Variants in GNA14 observed in about 807,000 individuals in gnomAD.
GNA14 encodes G protein subunit alpha 14, also known as guanine nucleotide-binding protein subunit alpha-14.
Under a neutral mutation model 42.0 loss-of-function variants are expected in GNA14, and 50 were observed. That is an observed-to-expected ratio of 1.19 (90% CI 0.95 to 1.51). GNA14 has a LOEUF of 1.51. Among genes scored for constraint, GNA14 ranks in the 40% most tolerant of loss-of-function variants. The pLI is 0.00. For synonymous variants in GNA14, 173 were observed against 163.1 expected, an observed-to-expected ratio of 1.06 and a Z score of -0.46; for missense variants, 473 against 446.2, an observed-to-expected ratio of 1.06 and a Z score of -0.54.
At chr9:77,545,492 A>G (rs1308711197) in intron 1 of GNA14, among the ~76,000 whole-genome samples, 2 of 152,230 alleles carry the variant, frequency 1.3e-5, no homozygotes, top group African/African-American at 4.8e-5. Context: ...GAAAGAAAAT[A>G]TGCAAATTTG....
At chr9:77,605,119 A>T (rs1823627946) in intron 1 of GNA14, among the ~76,000 whole-genome samples, 1 of 152,210 alleles carries the variant, frequency 6.6e-6, no homozygotes, top group Non-Finnish European at 1.5e-5. Context: ...CCTCAACATG[A>T]ACTTTTTCGT....
At chr9:77,547,017 G>T (rs752181162) in intron 1 of GNA14, among the ~76,000 whole-genome samples, 1 of 152,108 alleles carries the variant, frequency 6.6e-6, no homozygotes, top group Non-Finnish European at 1.5e-5. Context: ...TGTCTTATTG[G>T]GTGTGGGGGA....
At chr9:77,611,173 T>C (rs986773432) in intron 1 of GNA14, among the ~76,000 whole-genome samples, 6 of 152,078 alleles carry the variant, frequency 3.9e-5, no homozygotes, top group Admixed American at 3.9e-4. Flanking sequence ...CTAAGAAGGG[T>C]TGGAGATTTT....
intron 1 of GNA14, among the ~76,000 whole-genome samples, chr9:77,633,793 C>A (rs1038564746): frequency 6.6e-6 from 1 of 152,172 alleles, no homozygotes; most frequent in South Asian, 2.1e-4. Context: ...TGGCCCCACT[C>A]TGGCCAGTCA....
intron 1 of GNA14, among the ~76,000 whole-genome samples, chr9:77,540,213 A>C (rs577229503): frequency 6.6e-6 from 1 of 152,214 alleles, no homozygotes; most frequent in Non-Finnish European, 1.5e-5. Context: ...TTTCCATCTT[A>C]ATTTCTTCAT....
intron 1 of GNA14, among the ~76,000 whole-genome samples, chr9:77,612,604 A>T (rs1823751552): frequency 6.6e-6 from 1 of 152,196 alleles, no homozygotes; most frequent in African/African-American, 2.4e-5. Flanking sequence ...AATCATCAAA[A>T]GAATGCAAAT....
intron 1 of GNA14, among the ~76,000 whole-genome samples, chr9:77,602,769 A>T (rs1932074): frequency 1.3e-5 from 2 of 151,912 alleles, no homozygotes; most frequent in Non-Finnish European, 2.9e-5. Flanking sequence ...AAACTTTATC[A>T]GGGCCGGCCT....
At chr9:77,604,931 T>G (rs1213101639) in intron 1 of GNA14, among the ~76,000 whole-genome samples, 1 of 152,212 alleles carries the variant, frequency 6.6e-6, no homozygotes, top group Non-Finnish European at 1.5e-5. Context: ...CCACTTTTTC[T>G]TACCACCCTC....
intron 2 of GNA14, among the ~76,000 whole-genome samples, chr9:77,453,836 A>G (rs1421410365): frequency 6.6e-6 from 1 of 152,220 alleles, no homozygotes; most frequent in African/African-American, 2.4e-5. Flanking sequence ...ATGAGTTTCC[A>G]AAGAGCAGCT....
chr9:77,615,624 T>C (rs958234319), intron 1 of GNA14, among the ~76,000 whole-genome samples: 2 of 151,712 alleles, frequency 1.3e-5, no homozygotes, highest in African/African-American at 4.8e-5. Flanking sequence ...CTTTTTGTCT[T>C]TTCATCAACA....
intron 1 of GNA14, among the ~76,000 whole-genome samples, chr9:77,579,696 C>G (rs1027318812): frequency 6.6e-6 from 1 of 152,088 alleles, no homozygotes; most frequent in African/African-American, 2.4e-5. Context: ...CACCAAGATG[C>G]AAAAATGGGA....
rs150763192 is a variant in GNA14, at chr9:77,477,979, T to G, written c.310-43457A>C. ...CAGTGTAATAGCGATCTGATGGGAGTTTAGAAAGCAAGAACACAGAAAACA... is the reference window on the plus strand; with the variant it reads ...CAGTGTAATAGCGATCTGATGGGAGGTTAGAAAGCAAGAACACAGAAAACA... On this transcript the variant is annotated intron_variant, in intron 2 of 6. Coordinates refer to ENST00000341700, the MANE Select transcript of GNA14 (RefSeq NM_004297.4). Among the ~76,000 whole-genome samples, 3 of 149,710 alleles carry G rather than the reference T, an allele frequency of 2.0e-5. 1 individual carries two copies. The South Asian group carries it at 6.3e-4, about 32-fold the overall frequency.
At chr9:77,558,893 T>C (rs1427222418) in intron 1 of GNA14, among the ~76,000 whole-genome samples, 1 of 149,660 alleles carries the variant, frequency 6.7e-6, no homozygotes, top group African/African-American at 2.5e-5. Context: ...TTCTAGCAAG[T>C]ACCATTACTG....
At chr9:77,620,798 A>T (rs1823908311) in intron 1 of GNA14, among the ~76,000 whole-genome samples, 1 of 148,778 alleles carries the variant, frequency 6.7e-6, no homozygotes. Flanking sequence ...CAGTGAGCCA[A>T]GATCACACCA....
chr9:77,600,268 A>T (rs551889450), intron 1 of GNA14, among the ~76,000 whole-genome samples: 1 of 152,258 alleles, frequency 6.6e-6, no homozygotes, highest in South Asian at 2.1e-4. Flanking sequence ...CGCACCAGTA[A>T]TTTTTTTCCC....
At chr9:77,592,775 G>A (rs1288855842) in intron 1 of GNA14, among the ~76,000 whole-genome samples, 1 of 152,014 alleles carries the variant, frequency 6.6e-6, no homozygotes, top group Non-Finnish European at 1.5e-5. Context: ...TGGTCTCCTT[G>A]CTGTAGGATC....
intron 1 of GNA14, among the ~76,000 whole-genome samples, chr9:77,567,147 C>T (rs1236303027): frequency 6.6e-6 from 1 of 152,118 alleles, no homozygotes; most frequent in East Asian, 1.9e-4. Flanking sequence ...ATCTGTTATG[C>T]AAATCCAGAG....
At chr9:77,528,957 G>A (rs1837484002) in intron 2 of GNA14, 112 bp downstream of exon 2, 1 of 893,574 alleles carries the variant, frequency 1.1e-6, no homozygotes, top group East Asian at 2.4e-5. Flanking sequence ...CACACCCCAG[G>A]GAACAAGAGC....
At chr9:77,532,785 C>A (rs1023869333) in intron 1 of GNA14, among the ~76,000 whole-genome samples, 2 of 152,128 alleles carry the variant, frequency 1.3e-5, no homozygotes, top group African/African-American at 2.4e-5. Flanking sequence ...ACCCGCACCC[C>A]CACAAAATGC....
Sources: gnomAD v4.1 joint callset for allele counts (sites outside exome capture counted in the v4.1 genomes callset) on GRCh38, gnomAD v4.1.1 for gene constraint, MANE v1.5 for transcripts, NCBI Gene and HGNC (gene_info 2026-07-23, HGNC 2026-07-21) for gene names.